GRM8: variants seen among roughly 807,000 people sequenced by gnomAD.
The protein encoded by GRM8 is glutamate metabotropic receptor 8.
In GRM8, 47 loss-of-function variants were observed where a neutral mutation model predicts 87.2. That is an observed-to-expected ratio of 0.54 (90% CI 0.43 to 0.69). The LOEUF is 0.69. GRM8 is among the 30% of genes least tolerant of loss of function. GRM8 has a pLI of 0.00. For synonymous variants in GRM8, 396 were observed against 404.5 expected, an observed-to-expected ratio of 0.98 and a Z score of 0.25; for missense variants, 1,019 against 1,139.2, an observed-to-expected ratio of 0.89 and a Z score of 1.52.
intron 6 of GRM8, among the ~76,000 whole-genome samples, chr7:126,893,621 G>A (rs1453721716): frequency 6.6e-6 from 1 of 151,934 alleles, no homozygotes; most frequent in Admixed American, 6.6e-5. Context: ...CATATGCTAA[G>A]TCCTGAGGAT....
intron 2 of GRM8, among the ~76,000 whole-genome samples, chr7:127,226,175 A>G (rs1797309139): frequency 1.3e-5 from 2 of 152,166 alleles, no homozygotes; most frequent in Non-Finnish European, 2.9e-5. Context: ...TAGCACAATC[A>G]ACTTAGCACA....
intron 6 of GRM8, among the ~76,000 whole-genome samples, chr7:126,782,629 T>C (rs1401503950): frequency 6.6e-6 from 1 of 152,208 alleles, no homozygotes; most frequent in Non-Finnish European, 1.5e-5. Flanking sequence ...CCACAGCTTT[T>C]GGTTTTGAAA....
At chr7:126,767,142 A>G (rs943129670) in intron 7 of GRM8, among the ~76,000 whole-genome samples, 1 of 152,154 alleles carries the variant, frequency 6.6e-6, no homozygotes, top group Non-Finnish European at 1.5e-5. Context: ...ATTTTTGAAG[A>G]TAGAGTCTTA....
intron 2 of GRM8, among the ~76,000 whole-genome samples, chr7:127,107,443 C>G (rs1160329429): frequency 6.6e-6 from 1 of 152,004 alleles, no homozygotes; most frequent in Non-Finnish European, 1.5e-5. Context: ...ATGAGGAATC[C>G]TATGTCATTT....
chr7:126,793,093 T>C (rs1215077343), intron 6 of GRM8, among the ~76,000 whole-genome samples: 8 of 152,334 alleles, frequency 5.3e-5, no homozygotes, highest in South Asian at 2.1e-4. Flanking sequence ...TTGAACATGA[T>C]CATGCTGCTT....
At chr7:126,657,502 AC>A (rs1804656820) in intron 7 of GRM8, among the ~76,000 whole-genome samples, 1 of 152,210 alleles carries the variant, frequency 6.6e-6, no homozygotes, top group Non-Finnish European at 1.5e-5. Flanking sequence ...TAAATTTCTA[AC>A]GTTTACTAAT....
chr7:127,178,712 G>A (rs1794258477), intron 2 of GRM8, among the ~76,000 whole-genome samples: 1 of 152,120 alleles, frequency 6.6e-6, no homozygotes, highest in East Asian at 1.9e-4. Flanking sequence ...ACAATTATCA[G>A]CCAAGAATTT....
At chr7:126,648,783 A>G in intron 7 of GRM8, among the ~76,000 whole-genome samples, 1 of 136,436 alleles carries the variant, frequency 7.3e-6, no homozygotes, top group South Asian at 2.6e-4. Context: ...CTTTAAATGA[A>G]CAAATGCTGA....
intron 3 of GRM8, among the ~76,000 whole-genome samples, chr7:127,015,159 AGAAGG>A (rs1487365865): frequency 1.1e-3 from 57 of 49,714 alleles, no homozygotes; most frequent in African/African-American, 4.2e-3. Flanking sequence ...AGGAAGAAGG[AGAAGG>A]AGAAGGAGAA....
At chr7:127,211,544 C>CT (rs1333518751) in intron 2 of GRM8, among the ~76,000 whole-genome samples, 1 of 152,220 alleles carries the variant, frequency 6.6e-6, no homozygotes, top group African/African-American at 2.4e-5. Flanking sequence ...AGGAACAATA[C>CT]TTTACATCCT....
At chr7:126,820,369 C>A (rs560522217) in intron 6 of GRM8, among the ~76,000 whole-genome samples, 1 of 152,294 alleles carries the variant, frequency 6.6e-6, no homozygotes, top group South Asian at 2.1e-4. Context: ...CACTACTAAT[C>A]AAAGAAATCC....
chr7:126,814,530 T>C (rs1217251035), intron 6 of GRM8, among the ~76,000 whole-genome samples: 5 of 152,070 alleles, frequency 3.3e-5, no homozygotes, highest in African/African-American at 9.7e-5. Context: ...AGCAGATGGC[T>C]GATCCAAAAC....
intron 3 of GRM8, among the ~76,000 whole-genome samples, chr7:127,026,301 A>T (rs1053538922): frequency 1.3e-5 from 2 of 152,170 alleles, no homozygotes; most frequent in Non-Finnish European, 2.9e-5. Context: ...TAGTGCCACA[A>T]TAAACATACG....
chr7:127,007,924 A>G (rs1219672119), intron 3 of GRM8, among the ~76,000 whole-genome samples: 1 of 152,084 alleles, frequency 6.6e-6, no homozygotes, highest in East Asian at 1.9e-4. Context: ...TTGCCATAAA[A>G]CACTGTATTT....
intron 2 of GRM8, among the ~76,000 whole-genome samples, chr7:127,216,278 G>A (rs1270802354): frequency 6.6e-6 from 1 of 152,048 alleles, no homozygotes; most frequent in African/African-American, 2.4e-5. Context: ...CAGCACTTTG[G>A]GAGGCCGAGG....
intron 7 of GRM8, among the ~76,000 whole-genome samples, chr7:126,682,926 G>A (rs752182507): frequency 6.6e-6 from 1 of 152,162 alleles, no homozygotes; most frequent in South Asian, 2.1e-4. Flanking sequence ...GCACGCCCCT[G>A]TAGTCCCAGA....
chr7:127,139,166 A>C (rs1828115528), intron 2 of GRM8, among the ~76,000 whole-genome samples: 1 of 152,168 alleles, frequency 6.6e-6, no homozygotes, highest in Non-Finnish European at 1.5e-5. Flanking sequence ...CAGTGGAAAG[A>C]ACAATGTGTT....
chr7:126,623,288 C>CA (rs2151148067), intron 7 of GRM8, among the ~76,000 whole-genome samples: 1 of 152,058 alleles, frequency 6.6e-6, no homozygotes, highest in Non-Finnish European at 1.5e-5. Flanking sequence ...AAATTATTTT[C>CA]TTAAAAAGTC....
Position 126,446,177 on chromosome 7 carries a change from T to C in GRM8, c.2626A>G (p.Arg876Gly), listed in dbSNP as rs1294976139. The C allele has an allele frequency of 1.2e-6, 2 of 1,612,936 alleles. No individual in the cohort carries two copies. Among genetic ancestry groups the C allele is most frequent in the South Asian group, 2.2e-5 (2 of 91,072 alleles). Residue 876 changes from arginine (R) to glycine (G), a missense_variant, in exon 10 of 11, where the codon AGA (arginine) becomes GGA (glycine). Transcript: ENST00000339582. ...TCACTTTTCACCTCGCCATTTGGTC[T>C]GTCATTTCCTTTTTGGATCAGTTTG... is the stretch of plus-strand genomic sequence containing the variant. ...QSKLIQKGND[R>G]PNGEVKSELC...
Sources: gnomAD v4.1 joint callset for allele counts (sites outside exome capture counted in the v4.1 genomes callset) on GRCh38, gnomAD v4.1.1 for gene constraint, MANE v1.5 for transcripts, NCBI Gene and HGNC (gene_info 2026-07-23, HGNC 2026-07-21) for gene names.